The following SLC25A39 variants were observed in gnomAD, a reference collection of about 807,000 sequenced individuals.
The protein encoded by SLC25A39 is solute carrier family 25 member 39.
Under a neutral mutation model 46.6 loss-of-function variants are expected in SLC25A39, and 44 were observed. That is an observed-to-expected ratio of 0.94 (90% CI 0.74 to 1.21). The LOEUF is 1.21. Ranked by LOEUF, SLC25A39 falls within the 50% of genes most tolerant of loss-of-function variation. SLC25A39 has a pLI of 0.00. For synonymous variants in SLC25A39, 218 were observed against 190.6 expected (o/e 1.14, Z -1.19); for missense variants, 487 against 473.0 (o/e 1.03, Z -0.28).
Position 44,321,758 on chromosome 17 carries a change from C to T in SLC25A39, c.334G>A (p.Val112Met), listed in dbSNP as rs766559004. Reference protein sequence around the residue: ...TRFTGTMDAFVKIVRHEGTRT... With the variant: ...TRFTGTMDAFMKIVRHEGTRT... ...GTGCCCTCGTGCCTCACGATCTTCACGAAGGCATCCTGGCCAAGCAGGCAC... is the reference window on the plus strand; with the variant it reads ...GTGCCCTCGTGCCTCACGATCTTCATGAAGGCATCCTGGCCAAGCAGGCAC... The change falls in exon 6 of 12, where the codon GTG (valine) becomes ATG (methionine). Residue 112 changes from valine to methionine, a missense_variant. Coordinates refer to ENST00000377095, the MANE Select transcript of SLC25A39 (RefSeq NM_001143780.3). The T allele has an allele frequency of 1.1e-5, 18 of 1,611,808 alleles. No individual in the cohort carries two copies. Among genetic ancestry groups the T allele is most frequent in the Admixed American group, 8.4e-5 (5 of 59,864 alleles).
At position 44,321,574 on chromosome 17, in the gene SLC25A39, G is replaced by C; in HGVS notation, c.393-16C>G. On this transcript the variant is annotated splice_polypyrimidine_tract_variant and intron_variant, in intron 6 of 11. Coordinates refer to ENST00000377095, the MANE Select transcript of SLC25A39 (RefSeq NM_001143780.3). ...AGTCATCACCCTGGGGATACAGAGA[G>C]AGGTTAGCTGGGACTCCCAAAAGGA... 2 of 1,613,180 alleles carry C rather than the reference G, an allele frequency of 1.2e-6. No homozygotes were observed. Among genetic ancestry groups the C allele is most frequent in the Non-Finnish European group, 1.7e-6 (2 of 1,179,386 alleles).
chr17:44,323,841 C>T, intron 1 of SLC25A39: 1 of 455,552 alleles, frequency 2.2e-6, no homozygotes, highest in Non-Finnish European at 4.0e-6. Flanking sequence ...AGGGTTTCAC[C>T]ATGTTGGCCA....
intron 3 of SLC25A39, among the ~76,000 whole-genome samples, 163 bp from the exon 4 acceptor site, chr17:44,323,015 C>T (rs578063184): frequency 6.6e-6 from 1 of 152,274 alleles, no homozygotes; most frequent in East Asian, 1.9e-4. Context: ...CTCCACCTTC[C>T]CGGTTCAAGC....
In SLC25A39 at chr17:44,322,412, T is replaced by G; in HGVS notation, c.324+7A>C. On this transcript the variant is annotated splice_region_variant and intron_variant, in intron 5 of 11. Transcript: ENST00000377095. Reference sequence around the variant, plus strand: ...GACGAATCCCTACGGACCCAGCTGCTCCTCACCATGGTGCCAGTGAAGCGG... The same window carrying G: ...GACGAATCCCTACGGACCCAGCTGCGCCTCACCATGGTGCCAGTGAAGCGG... 6.2e-7 allele frequency: 1 copy of G among 1,613,930 alleles called. No homozygotes were observed. Among genetic ancestry groups the G allele is most frequent in the Non-Finnish European group, 8.5e-7 (1 of 1,179,972 alleles).
At chr17:44,323,698 G>A (rs2048135545) in intron 1 of SLC25A39, 121 bp from the exon 2 acceptor site, 1 of 681,588 alleles carries the variant, frequency 1.5e-6, no homozygotes. Flanking sequence ...AGGCTGGAGT[G>A]CAGTGGCACC....
intron 1 of SLC25A39, chr17:44,323,789 G>A (rs564803097): frequency 7.1e-6 from 4 of 566,480 alleles, no homozygotes; most frequent in African/African-American, 1.9e-5. Context: ...CTACAGGCGC[G>A]CACCACCACG....
chr17:44,324,218 T>C (rs1223731713), intron 1 of SLC25A39: 2 of 152,662 alleles, frequency 1.3e-5, no homozygotes, highest in Non-Finnish European at 2.9e-5. Flanking sequence ...AGGCGCGGAT[T>C]TGGCCCTCGT....
chr17:44,320,759 G>C, intron 8 of SLC25A39, 28 bp from the exon 9 acceptor site: 1 of 1,559,764 alleles, frequency 6.4e-7, no homozygotes, highest in South Asian at 1.1e-5. Flanking sequence ...ACTGATTAGA[G>C]ACGGGAAGGG....
chr17:44,322,646 G>C, intron 4 of SLC25A39, 94 bp from the exon 5 acceptor site: 1 of 1,565,342 alleles, frequency 6.4e-7, no homozygotes, highest in Non-Finnish European at 8.7e-7. Context: ...TAAAGGCCAG[G>C]TCCCTGTGTG....
intron 5 of SLC25A39, among the ~76,000 whole-genome samples, chr17:44,322,016 AAG>A (rs752291005): frequency 2.0e-5 from 3 of 152,228 alleles, no homozygotes; most frequent in Non-Finnish European, 4.4e-5. Context: ...TTGGGAGGCC[AAG>A]GCGGATAAAT....
chr17:44,322,122 G>C (rs562901938), intron 5 of SLC25A39, among the ~76,000 whole-genome samples: 1 of 152,164 alleles, frequency 6.6e-6, no homozygotes. Flanking sequence ...GGTGGTGCAC[G>C]CTTGTAATCC....
intron 2 of SLC25A39, 39 bp downstream of exon 2, chr17:44,323,439 A>AGGCCCCCCCCCCCCCCC: frequency 1.6e-5 from 4 of 257,100 alleles, no homozygotes; most frequent in Non-Finnish European, 2.3e-5. Flanking sequence ...GGTCTGCCCC[A>AGGCCCCCCCCCCCCCCC]TCCCCACCCG....
chr17:44,319,991 C>A lies in SLC25A39; in HGVS notation c.*10G>T. ...GTGGGAGAGACGGGGTCCTTGCCTC[C>A]TTGCCCCTTTCAGCCGCCCAGAAGC... On this transcript the variant is annotated 3_prime_UTR_variant, in exon 12 of 12. Transcript: ENST00000377095. 6.2e-7 allele frequency: 1 copy of A among 1,613,588 alleles called. No homozygotes were observed. The highest frequency in any genetic ancestry group is 2.2e-5 in the East Asian group (1 of 44,884).
At chr17:44,323,765 C>T (rs1197244456) in intron 1 of SLC25A39, 188 bp from the exon 2 acceptor site, 1 of 585,412 alleles carries the variant, frequency 1.7e-6, no homozygotes, top group African/African-American at 1.9e-5. Flanking sequence ...CTTCAGCCTC[C>T]CAAGTAGCTG....
At position 44,320,925 on chromosome 17, in the gene SLC25A39, A is replaced by C; in HGVS notation, c.691+133T>G. On this transcript the variant is annotated intron_variant, in intron 8 of 11. Coordinates refer to ENST00000377095, the MANE Select transcript of SLC25A39 (RefSeq NM_001143780.3). ...ACTCTACCTGCTAGGCCCACTTCAC[A>C]GATGAGAAACCCATGGCTCAGAAAA... is the stretch of plus-strand genomic sequence containing the variant. 5 of 1,188,804 alleles carry C rather than the reference A, an allele frequency of 4.2e-6. No homozygotes were observed. In the South Asian group the frequency reaches 6.3e-5, roughly 15 times the overall value. 73.6% of individuals were successfully genotyped at this position (1,188,804 alleles called of 1,614,324 possible).
intron 2 of SLC25A39, 38 bp downstream of exon 2, chr17:44,323,440 T>TCCCCCCCCCCCCCCCCCCCC: frequency 2.9e-6 from 1 of 341,554 alleles, no homozygotes; most frequent in Middle Eastern, 1.0e-3. Flanking sequence ...GTCTGCCCCA[T>TCCCCCCCCCCCCCCCCCCCC]CCCCACCCGC....
intron 3 of SLC25A39, 116 bp from the exon 4 acceptor site, chr17:44,322,968 C>T (rs2143174972): frequency 1.7e-6 from 2 of 1,145,160 alleles, no homozygotes; most frequent in South Asian, 1.4e-5. Flanking sequence ...TGTCGCCCAC[C>T]CTGGAGCATA....
intron 9 of SLC25A39, 25 bp from the exon 10 acceptor site, chr17:44,320,461 C>T (rs764707540): frequency 6.2e-7 from 1 of 1,612,422 alleles, no homozygotes; most frequent in South Asian, 1.1e-5. Context: ...GGGGAGAGGG[C>T]TCAGCTCCAC....
Position 44,322,567 on chromosome 17 carries a change from G to C in SLC25A39, c.191-15C>G. ...AGAGGAGGGCACTGGGGAAAGGCAGGGGGCATTATAATGACAGGATCCTAG... is the reference window on the plus strand; with the variant it reads ...AGAGGAGGGCACTGGGGAAAGGCAGCGGGCATTATAATGACAGGATCCTAG... On this transcript the variant is annotated splice_polypyrimidine_tract_variant and intron_variant, in intron 4 of 11. Transcript: ENST00000377095. The C allele has an allele frequency of 6.2e-7, 1 of 1,613,248 alleles. No homozygotes were observed. Among genetic ancestry groups the C allele is most frequent in the East Asian group, 2.2e-5 (1 of 44,864 alleles).
Sources: gnomAD v4.1 joint callset for allele counts (sites outside exome capture counted in the v4.1 genomes callset) on GRCh38, gnomAD v4.1.1 for gene constraint, MANE v1.5 for transcripts, NCBI Gene and HGNC (gene_info 2026-07-23, HGNC 2026-07-21) for gene names.